SLC25A26: variants seen among roughly 807,000 people sequenced by gnomAD.
The protein encoded by SLC25A26 is solute carrier family 25 member 26, also known as mitochondrial S-adenosylmethionine carrier protein.
A neutral mutation model predicts 37.8 loss-of-function variants in SLC25A26; 36 were observed. That is an observed-to-expected ratio of 0.95 (90% CI 0.73 to 1.26). SLC25A26 has a LOEUF of 1.26. SLC25A26 is among the 50% of genes most tolerant of loss of function. The probability of loss-of-function intolerance (pLI) is 0.00; values close to 1 mark genes in which losing one functional copy is unlikely to be tolerated. For synonymous variants in SLC25A26, 129 were observed against 122.5 expected (o/e 1.05, Z -0.35); for missense variants, 390 against 331.1 (o/e 1.18, Z -1.38).
chr3:66,330,033 G>A (rs1351342429), intron 5 of SLC25A26, among the ~76,000 whole-genome samples: 3 of 152,050 alleles, frequency 2.0e-5, no homozygotes, highest in African/African-American at 7.2e-5. Context: ...GATTCATTAG[G>A]ACACCCTACT....
At chr3:66,340,996 A>C (rs2076197160) in intron 5 of SLC25A26, among the ~76,000 whole-genome samples, 1 of 152,106 alleles carries the variant, frequency 6.6e-6, no homozygotes, top group Non-Finnish European at 1.5e-5. Flanking sequence ...CAGCAAAAAC[A>C]ATCATGTCAT....
intron 5 of SLC25A26, among the ~76,000 whole-genome samples, chr3:66,332,677 G>T (rs552135571): frequency 6.6e-6 from 1 of 152,228 alleles, no homozygotes; most frequent in South Asian, 2.1e-4. Context: ...CTCCTAAAGT[G>T]CTAGGATTAC....
chr3:66,277,674 A>G (rs2074203290), intron 5 of SLC25A26, among the ~76,000 whole-genome samples: 1 of 152,144 alleles, frequency 6.6e-6, no homozygotes, highest in South Asian at 2.1e-4. Context: ...CCCCAAAGCT[A>G]TTTATCACTT....
chr3:66,202,270 C>T (rs949641761), intron 1 of SLC25A26, among the ~76,000 whole-genome samples: 5 of 151,952 alleles, frequency 3.3e-5, no homozygotes, highest in Non-Finnish European at 4.4e-5. Context: ...AACAGAAAAC[C>T]AAACACCACA....
At chr3:66,326,038 A>G (rs1341760180) in intron 5 of SLC25A26, among the ~76,000 whole-genome samples, 1 of 152,208 alleles carries the variant, frequency 6.6e-6, no homozygotes, top group African/African-American at 2.4e-5. Flanking sequence ...TTCACAAGAT[A>G]GGATTGGCTG....
At chr3:66,191,071 C>A (rs1407009738) in intron 1 of SLC25A26, among the ~76,000 whole-genome samples, 1 of 149,802 alleles carries the variant, frequency 6.7e-6, no homozygotes, top group African/African-American at 2.5e-5. Flanking sequence ...AACTTTATTG[C>A]TTCTTAGGGT....
chr3:66,195,581 C>T (rs996512706), intron 1 of SLC25A26, among the ~76,000 whole-genome samples: 1 of 152,246 alleles, frequency 6.6e-6, no homozygotes, highest in Non-Finnish European at 1.5e-5. Flanking sequence ...GGCAGGCCCT[C>T]GGGCTAGCGT....
intron 1 of SLC25A26, among the ~76,000 whole-genome samples, chr3:66,175,421 C>T (rs1028709030): frequency 3.3e-5 from 5 of 151,900 alleles, no homozygotes; most frequent in African/African-American, 9.7e-5. Context: ...GACACAGTTT[C>T]GCCATGTTGC....
chr3:66,216,682 T>A (rs1324887891), upstream of SLC25A26, among the ~76,000 whole-genome samples: 5 of 152,088 alleles, frequency 3.3e-5, no homozygotes, highest in African/African-American at 1.2e-4. Context: ...TTCTTGCTAA[T>A]TTTTATAAAT....
chr3:66,165,449 G>A (rs2070412740), intron 1 of SLC25A26, among the ~76,000 whole-genome samples: 1 of 152,156 alleles, frequency 6.6e-6, no homozygotes, highest in Non-Finnish European at 1.5e-5. Context: ...GAATACAGAG[G>A]TTTCTAAGAG....
Position 66,150,665 on chromosome 3 carries a change from T to G in SLC25A26, c.-354+16681T>G, listed in dbSNP as rs2070195265. 3.0e-5 allele frequency among the ~76,000 whole-genome samples: 3 copies of G among 101,630 alleles called. No homozygotes were observed. In the Admixed American group the frequency reaches 3.8e-4, roughly 13 times the overall value. The allele number at this position is 101,630 out of a possible 152,430, so 66.7% of individuals were successfully genotyped here. Reference sequence around the variant, plus strand: ...ATATATATATATATATCATGGCACTTGGAGGAGCAGTAATTAACAGGATGA... The same window carrying G: ...ATATATATATATATATCATGGCACTGGGAGGAGCAGTAATTAACAGGATGA... On this transcript the variant is annotated intron_variant, in intron 1 of 10. Transcript: ENST00000676754.
In SLC25A26 at chr3:66,201,910, C is replaced by T. The variant is rs914000810; in HGVS notation, c.-353-18832C>T. Among the ~76,000 whole-genome samples, 3 of 152,122 alleles carry T rather than the reference C, an allele frequency of 2.0e-5. No homozygotes were observed. The East Asian group carries it at 5.8e-4, about 29-fold the overall frequency. On this transcript the variant is annotated intron_variant, in intron 1 of 10. Coordinates refer to the SLC25A26 transcript ENST00000676754. ...GACAGATGCAATATAGAGTACTTTA[C>T]GCTACATAGGACAAAAGAGTGAAAG...
chr3:66,216,329 T>A (rs959677217), upstream of SLC25A26, among the ~76,000 whole-genome samples: 1 of 152,108 alleles, frequency 6.6e-6, no homozygotes, highest in African/African-American at 2.4e-5. Context: ...TTGGGCAACA[T>A]GGTGAAACCC....
intron 5 of SLC25A26, 142 bp downstream of exon 5, chr3:66,263,521 T>C (rs949993637): frequency 1.6e-6 from 1 of 635,198 alleles, no homozygotes; most frequent in Non-Finnish European, 2.8e-6. Flanking sequence ...CACTCTTCTG[T>C]TAAATTTTCT....
intron 3 of SLC25A26, among the ~76,000 whole-genome samples, chr3:66,247,200 G>T (rs782251021): frequency 2.6e-5 from 4 of 151,584 alleles, no homozygotes; most frequent in Non-Finnish European, 5.9e-5. Context: ...GTCAGCAGTG[G>T]GTACATAGAT....
At chr3:66,289,716 A>G (rs963598775) in intron 5 of SLC25A26, among the ~76,000 whole-genome samples, 2 of 152,088 alleles carry the variant, frequency 1.3e-5, no homozygotes, top group African/African-American at 4.8e-5. Flanking sequence ...GTTTTGGTTT[A>G]CTGTGCCTTG....
At chr3:66,259,370 A>G (rs929633449) in intron 3 of SLC25A26, among the ~76,000 whole-genome samples, 5 of 152,114 alleles carry the variant, frequency 3.3e-5, no homozygotes, top group Admixed American at 1.3e-4. Flanking sequence ...GTTACTTTCT[A>G]GTTTTATAGC....
intron 5 of SLC25A26, among the ~76,000 whole-genome samples, chr3:66,324,326 G>C (rs1433397906): frequency 6.6e-6 from 1 of 151,922 alleles, no homozygotes; most frequent in Non-Finnish European, 1.5e-5. Flanking sequence ...GCTGTCTTCT[G>C]TTCCTGAGTG....
intron 9 of SLC25A26, among the ~76,000 whole-genome samples, chr3:66,372,226 T>G (rs988740031): frequency 1.1e-4 from 17 of 152,214 alleles, no homozygotes; most frequent in Non-Finnish European, 2.4e-4. Context: ...CTGATTTCAG[T>G]GTAGTTCATG....
Sources: gnomAD v4.1 joint callset for allele counts (sites outside exome capture counted in the v4.1 genomes callset) on GRCh38, gnomAD v4.1.1 for gene constraint, MANE v1.5 for transcripts, NCBI Gene and HGNC (gene_info 2026-07-23, HGNC 2026-07-21) for gene names.